MMP28: variants seen among roughly 807,000 people sequenced by gnomAD.
MMP28 encodes the protein matrix metallopeptidase 28, also known as matrix metalloproteinase-28.
In MMP28, 55 loss-of-function variants were observed where a neutral mutation model predicts 60.5. The observed-to-expected ratio is 0.91, with a 90% CI of 0.73 to 1.14. The LOEUF (loss-of-function observed/expected upper bound fraction) is 1.14. Ranked by LOEUF, MMP28 falls within the 50% of genes most tolerant of loss-of-function variation. The pLI is 0.00. For synonymous variants in MMP28, 318 were observed against 312.5 expected (o/e 1.02, Z -0.18); for missense variants, 686 against 738.3 (o/e 0.93, Z 0.82).
At chr17:35,778,262 A>C (rs1029045590) in intron 3 of MMP28, among the ~76,000 whole-genome samples, 2 of 152,158 alleles carry the variant, frequency 1.3e-5, no homozygotes, top group Non-Finnish European at 2.9e-5. Context: ...AAATCCATTG[A>C]GACAGAAGTG....
chr17:35,764,700 G>A (rs587769823), downstream of MMP28: 733 of 1,432,358 alleles, frequency 5.1e-4, 2 homozygotes, highest in African/African-American at 8.9e-3. Flanking sequence ...GGAGCGCGGA[G>A]CCCTCTTCGA....
At chr17:35,762,122 C>T (rs1297902796), downstream of MMP28, among the ~76,000 whole-genome samples, 1 of 152,122 alleles carries the variant, frequency 6.6e-6, no homozygotes, top group Non-Finnish European at 1.5e-5. Context: ...TCCTGAATAG[C>T]TGGGATTACA....
At chr17:35,791,628 G>A (rs2086817390) in intron 1 of MMP28, among the ~76,000 whole-genome samples, 1 of 152,170 alleles carries the variant, frequency 6.6e-6, no homozygotes, top group African/African-American at 2.4e-5. Flanking sequence ...GTTAGAGTAG[G>A]TCTTACTCTA....
chr17:35,795,320 G>C lies in MMP28; in HGVS notation c.58C>G (p.Leu20Val). The change falls in exon 1 of 8, where the codon CTG (leucine) becomes GTG (valine). Residue 20 changes from leucine (L) to valine (V), a missense_variant. Physicochemically the swap from Leu to Val is conservative, Grantham distance 32 (BLOSUM62 1). Transcript: ENST00000605424. ...RALQLLLWGH[L>V]DAQPAERGGQ... is the part of the protein sequence containing the mutation. ...CCGCGCTCCGCGGGCTGGGCGTCCA[G>C]GTGGCCCCACAGTAGCAGCTGCAGG... 2.0e-6 allele frequency: 3 copies of C among 1,467,030 alleles called. No homozygotes were observed. The highest frequency in any genetic ancestry group is 1.8e-6 in the Non-Finnish European group (2 of 1,110,360). 90.9% of individuals were successfully genotyped at this position (1,467,030 alleles called of 1,614,324 possible). A position where few individuals can be genotyped will look rare whatever the true frequency, so the allele number is the denominator to read the frequency against.
At chr17:35,793,198 A>C (rs2086865447) in intron 1 of MMP28, among the ~76,000 whole-genome samples, 1 of 152,164 alleles carries the variant, frequency 6.6e-6, no homozygotes, top group Admixed American at 6.5e-5. Flanking sequence ...CCCCAAATTT[A>C]TGTTAAATAG....
intron 4 of MMP28, among the ~76,000 whole-genome samples, chr17:35,771,704 TATATATATATATATATATATATATATA>T (rs1375067804): frequency 2.0e-4 from 3 of 14,868 alleles, no homozygotes; most frequent in Non-Finnish European, 3.6e-4. Context: ...TGAATATATA[TATATATATATATATATATATATATATA>T]TATATATATA....
chr17:35,783,639 G>T (rs2086568454), intron 1 of MMP28, among the ~76,000 whole-genome samples: 1 of 152,184 alleles, frequency 6.6e-6, no homozygotes, highest in African/African-American at 2.4e-5. Context: ...CCCTTATCAG[G>T]GAGTTGGCTC....
downstream of MMP28, chr17:35,760,909 G>A: frequency 6.2e-7 from 1 of 1,613,216 alleles, no homozygotes; most frequent in South Asian, 1.1e-5. Flanking sequence ...CCCAGTCTCT[G>A]ATCAGGGAAA....
At chr17:35,761,099 A>ATT (rs10533957), downstream of MMP28, 10,002 of 501,298 alleles carry the variant, frequency 0.02, 46 homozygotes, top group East Asian at 0.058. Context: ...GCCTTCCTGA[A>ATT]TTTTTTTTTT....
chr17:35,764,471 A>G, downstream of MMP28: 1 of 1,563,504 alleles, frequency 6.4e-7, no homozygotes, highest in East Asian at 2.4e-5. Context: ...AGATCCGGCG[A>G]CGACCGCCGC....
intron 2 of MMP28, among the ~76,000 whole-genome samples, chr17:35,758,536 C>G (rs1384286997): frequency 6.6e-6 from 1 of 151,786 alleles, no homozygotes. Flanking sequence ...TACTAAGAAT[C>G]CAAAAATTAG....
intron 4 of MMP28, 97 bp from the exon 5 acceptor site, chr17:35,770,409 T>C (rs1445974376): frequency 2.2e-6 from 3 of 1,389,766 alleles, no homozygotes; most frequent in Non-Finnish European, 2.8e-6. Flanking sequence ...GTGTGGCTGT[T>C]CTCTGCTGTA....
At chr17:35,782,156 A>C (rs2086525274) in intron 1 of MMP28, among the ~76,000 whole-genome samples, 1 of 144,462 alleles carries the variant, frequency 6.9e-6, no homozygotes, top group African/African-American at 2.6e-5. Context: ...GGTTCATGCC[A>C]CTCTCCTGCC....
Position 35,766,275 on chromosome 17 carries a change from G to T in MMP28, c.*225C>A, listed in dbSNP as rs1555603062. On this transcript the variant is annotated 3_prime_UTR_variant, in exon 8 of 8. Transcript: ENST00000605424. This position sits in a 1 kb window ranked among gnomAD's most constrained non-coding sequence, Gnocchi z 4.3. ...GCCAAGGGATCTGGGACCCTTTTTT[G>T]CTTTTCCTAAGATTGATCCCACCCC... is the stretch of plus-strand genomic sequence containing the variant. The T allele has an allele frequency of 6.1e-6, 8 of 1,316,486 alleles. No homozygotes were observed. The highest frequency in any genetic ancestry group is 1.5e-5 in the African/African-American group (1 of 68,016). 81.6% of individuals were successfully genotyped at this position (1,316,486 alleles called of 1,614,324 possible).
chr17:35,787,578 C>T (rs2086687758), intron 1 of MMP28, among the ~76,000 whole-genome samples: 1 of 152,094 alleles, frequency 6.6e-6, no homozygotes, highest in African/African-American at 2.4e-5. Context: ...GCAATCTCCG[C>T]CTCCTGGGCA....
chr17:35,764,589 G>T (rs782412502), downstream of MMP28: 9 of 1,590,794 alleles, frequency 5.7e-6, no homozygotes, highest in Non-Finnish European at 7.7e-6. Context: ...CCCGGATCTG[G>T]GTAAGGCGGG....
chr17:35,766,361 A>G lies in MMP28; in HGVS notation c.*139T>C. ...TGCATTCTTCAAGGAACAAAGGCAG[A>G]CAGACTTCCAGATGGAGGCTTTGCT... On this transcript the variant is annotated 3_prime_UTR_variant, in exon 8 of 8. Coordinates refer to ENST00000605424, the MANE Select transcript of MMP28 (RefSeq NM_024302.5). The surrounding 1 kb of genome is among the most constrained non-coding windows in gnomAD (Gnocchi z 4.3). The G allele has an allele frequency of 7.0e-7, 1 of 1,424,110 alleles. No homozygotes were observed. The highest frequency in any genetic ancestry group is 2.5e-5 in the East Asian group (1 of 39,710). 88.2% of individuals were successfully genotyped at this position (1,424,110 alleles called of 1,614,324 possible). A position where few individuals can be genotyped will look rare whatever the true frequency, so the allele number is the denominator to read the frequency against.
intron 3 of MMP28, among the ~76,000 whole-genome samples, chr17:35,775,943 G>A (rs2086313426): frequency 6.6e-6 from 1 of 151,928 alleles, no homozygotes; most frequent in African/African-American, 2.4e-5. Flanking sequence ...GTGCCATCCG[G>A]GCTCACTGCA....
intron 3 of MMP28, 184 bp downstream of exon 3, chr17:35,778,704 T>G (rs1555608197): frequency 4.4e-6 from 6 of 1,366,716 alleles, no homozygotes; most frequent in Middle Eastern, 2.6e-4. Flanking sequence ...GGTGTCATTC[T>G]GAATTAAATG....
Sources: gnomAD v4.1 joint callset for allele counts (sites outside exome capture counted in the v4.1 genomes callset) on GRCh38, gnomAD v4.1.1 for gene constraint, Gnocchi (gnomAD v3.1) non-coding constraint, MANE v1.5 for transcripts, NCBI Gene and HGNC (gene_info 2026-07-23, HGNC 2026-07-21) for gene names.